The following CETP variants were observed in gnomAD, a reference collection of about 807,000 sequenced individuals.
CETP encodes the protein BPI fold containing family F.
Under a neutral mutation model 66.5 loss-of-function variants are expected in CETP, and 56 were observed. The observed-to-expected ratio is 0.84, with a 90% confidence interval of 0.68 to 1.05. The LOEUF is 1.05. Among genes scored for constraint, CETP ranks in the 50% least tolerant of loss-of-function variants. CETP has a pLI of 0.00. For missense variants in CETP, 612 were observed against 609.6 expected, an observed-to-expected ratio of 1.00 and a Z score of -0.04; for synonymous variants, 251 against 245.7, an observed-to-expected ratio of 1.02 and a Z score of -0.20.
chr16:56,978,585 T>G (rs1412975926), intron 11 of CETP, among the ~76,000 whole-genome samples: 1 of 151,572 alleles, frequency 6.6e-6, no homozygotes, highest in African/African-American at 2.4e-5. Context: ...GCTCGAGTGA[T>G]CCTCCCACCT....
chr16:56,978,029 G>A (rs1169836054), intron 10 of CETP, 62 bp from the exon 11 acceptor site: 2 of 1,591,526 alleles, frequency 1.3e-6, no homozygotes, highest in Non-Finnish European at 1.7e-6. Flanking sequence ...ATCTCCGAGG[G>A]CATGGACTGC....
chr16:56,965,202 T>G (rs1224850869), intron 2 of CETP, among the ~76,000 whole-genome samples: 1 of 152,188 alleles, frequency 6.6e-6, no homozygotes, highest in Non-Finnish European at 1.5e-5. Flanking sequence ...TCAGCAATAA[T>G]TCAGTAAGAC....
chr16:56,981,810 G>T, intron 13 of CETP, 130 bp downstream of exon 13: 1 of 878,662 alleles, frequency 1.1e-6, no homozygotes. Flanking sequence ...GGTCCATGCT[G>T]TGTCTCTTGT....
At chr16:56,981,487 T>C (rs1462420764) in intron 12 of CETP, among the ~76,000 whole-genome samples, 160 bp from the exon 13 acceptor site, 1 of 152,170 alleles carries the variant, frequency 6.6e-6, no homozygotes, top group Non-Finnish European at 1.5e-5. Flanking sequence ...GCCGCCAGAA[T>C]AGCAAATCTC....
chr16:56,970,329 A>C (rs2056100915), intron 5 of CETP, among the ~76,000 whole-genome samples: 1 of 152,186 alleles, frequency 6.6e-6, no homozygotes, highest in Admixed American at 6.5e-5. Flanking sequence ...CCCTTTTTAC[A>C]TATGGGTAAA....
chr16:56,978,058 C>T (rs754609730), intron 10 of CETP, 33 bp from the exon 11 acceptor site: 26 of 1,611,678 alleles, frequency 1.6e-5, no homozygotes, highest in African/African-American at 2.7e-5. Context: ...TGATGGGCCC[C>T]TGTCCTGGCC....
intron 2 of CETP, among the ~76,000 whole-genome samples, chr16:56,966,847 T>C (rs2056070785): frequency 6.7e-6 from 1 of 150,240 alleles, no homozygotes; most frequent in Non-Finnish European, 1.5e-5. Flanking sequence ...ACTCCTGACC[T>C]CAGATGATCC....
chr16:56,964,365 A>G (rs892032085), intron 2 of CETP, among the ~76,000 whole-genome samples: 1 of 152,144 alleles, frequency 6.6e-6, no homozygotes. Flanking sequence ...CTCTTCTGTA[A>G]AAGAGGATAA....
At position 56,971,034 on chromosome 16, in the gene CETP, C is replaced by T; in HGVS notation, c.529C>T (p.Pro177Ser). The change falls in exon 6 of 16, where the codon CCT (proline) becomes TCT (serine). Residue 177 changes from proline to serine, a missense_variant and splice_region_variant. By Grantham distance (74) the Pro-to-Ser change is moderately conservative. Coordinates refer to ENST00000200676, the MANE Select transcript of CETP (RefSeq NM_000078.3). ...LLLHLQGERE[P>S]GWIKQLFTNF... Reference sequence around the variant, plus strand: ...CATTGTGGTGCTTGCTGCCTTCAGGCCTGGGTGGATCAAGCAGCTGTTCAC... The same window carrying T: ...CATTGTGGTGCTTGCTGCCTTCAGGTCTGGGTGGATCAAGCAGCTGTTCAC... The T allele has an allele frequency of 6.2e-7, 1 of 1,614,106 alleles. No individual in the cohort carries two copies. The highest frequency in any genetic ancestry group is 8.5e-7 in the Non-Finnish European group (1 of 1,180,010).
chr16:56,982,768 C>T (rs1260081974), intron 14 of CETP, among the ~76,000 whole-genome samples: 1 of 152,222 alleles, frequency 6.6e-6, no homozygotes, highest in Non-Finnish European at 1.5e-5. Context: ...CCCTTCCCCA[C>T]AGAGTATGTT....
chr16:56,977,959 C>A, intron 10 of CETP, 132 bp from the exon 11 acceptor site: 1 of 1,033,236 alleles, frequency 9.7e-7, no homozygotes, highest in Non-Finnish European at 1.4e-6. Flanking sequence ...GGCCTGGGCA[C>A]TACCCCGAGC....
chr16:56,962,969 G>T (rs756666516), intron 1 of CETP, 41 bp from the exon 2 acceptor site: 23 of 1,559,122 alleles, frequency 1.5e-5, no homozygotes, highest in Non-Finnish European at 2.0e-5. Flanking sequence ...AGGGGGCTTG[G>T]TGTGGGCCTG....
Position 56,973,564 on chromosome 16 carries a change from G to A in CETP, c.930+54G>A, listed in dbSNP as rs2056129183. On this transcript the variant is annotated intron_variant, in intron 9 of 15. Transcript: ENST00000200676. ...GATCCAGATGGCATGTGGTATGTGT[G>A]TGTGTGCACACGCATGGGGAGGAGG... is the stretch of plus-strand genomic sequence containing the variant. 11 of 1,599,502 alleles carry A rather than the reference G, an allele frequency of 6.9e-6. 1 individual carries two copies. Among genetic ancestry groups the A allele is most frequent in the Admixed American group, 5.0e-5 (3 of 59,500 alleles).
chr16:56,962,154 T>A (rs1371244340), intron 1 of CETP, 57 bp downstream of exon 1: 4 of 1,440,162 alleles, frequency 2.8e-6, no homozygotes, highest in Non-Finnish European at 3.9e-6. Context: ...ACACCCACTA[T>A]GCCAGGAGCC....
chr16:56,972,971 G>A (rs571816563), intron 8 of CETP, among the ~76,000 whole-genome samples: 326 of 152,292 alleles, frequency 2.1e-3, no homozygotes, highest in African/African-American at 7.6e-3. Context: ...TCCAGGAGCC[G>A]ATGGTCAATG....
In CETP at chr16:56,970,897, T is replaced by C. The variant is rs2056104816; in HGVS notation, c.528-136T>C. ...AGGCTCCGTGTTCTCAGCTGCAAAA[T>C]GGGAGTGATAATTCTTACTTCCTGA... On this transcript the variant is annotated intron_variant, in intron 5 of 15. Coordinates refer to ENST00000200676, the MANE Select transcript of CETP (RefSeq NM_000078.3). 1.1e-5 allele frequency: 9 copies of C among 809,164 alleles called. No individual in the cohort carries two copies. The East Asian group carries it at 1.3e-4, about 12-fold the overall frequency. 50.1% of individuals were successfully genotyped at this position (809,164 alleles called of 1,614,324 possible). A position where few individuals can be genotyped will look rare whatever the true frequency, so the allele number is the denominator to read the frequency against.
chr16:56,968,971 A>G (rs960024407), intron 2 of CETP, among the ~76,000 whole-genome samples: 13 of 151,716 alleles, frequency 8.6e-5, no homozygotes, highest in Non-Finnish European at 1.9e-4. Context: ...AAAGATAGGC[A>G]TTTCTAGATA....
intron 1 of CETP, chr16:56,962,407 G>A: frequency 1.6e-6 from 1 of 628,462 alleles, no homozygotes; most frequent in South Asian, 1.4e-5. Flanking sequence ...CCAGGTTAGG[G>A]GGTTGAGTCA....
Position 56,961,978 on chromosome 16 carries a change from C to T in CETP, c.-2C>T. On this transcript the variant is annotated 5_prime_UTR_variant, in exon 1 of 16. Coordinates refer to ENST00000200676, the MANE Select transcript of CETP (RefSeq NM_000078.3). ...CCACTTACACACCACTGCCTGATAA[C>T]CATGCTGGCTGCCACAGTCCTGACC... 2 of 1,613,330 alleles carry T rather than the reference C, an allele frequency of 1.2e-6. No homozygotes were observed. Among genetic ancestry groups the T allele is most frequent in the Non-Finnish European group, 1.7e-6 (2 of 1,179,364 alleles).
Sources: gnomAD v4.1 joint callset for allele counts (sites outside exome capture counted in the v4.1 genomes callset) on GRCh38, gnomAD v4.1.1 for gene constraint, MANE v1.5 for transcripts, NCBI Gene and HGNC (gene_info 2026-07-23, HGNC 2026-07-21) for gene names.